RAD21L1: variants seen among roughly 807,000 people sequenced by gnomAD.
The protein encoded by RAD21L1 is double-strand-break repair protein rad21-like protein 1.
Under a neutral mutation model 69.0 loss-of-function variants are expected in RAD21L1, and 47 were observed. The observed-to-expected ratio is 0.68, with a 90% CI of 0.54 to 0.87. The LOEUF (loss-of-function observed/expected upper bound fraction) is 0.87. Among genes scored for constraint, RAD21L1 ranks in the 40% least tolerant of loss-of-function variants. The pLI is 0.00. For missense variants in RAD21L1, 583 were observed against 647.6 expected (o/e 0.90, Z 1.08); for synonymous variants, 177 against 205.8 (o/e 0.86, Z 1.20).
chr20:1,230,300 G>A (rs1489341874), intron 3 of RAD21L1, among the ~76,000 whole-genome samples: 1 of 152,048 alleles, frequency 6.6e-6, no homozygotes, highest in Non-Finnish European at 1.5e-5. Context: ...TTTTTAATGG[G>A]TCATTTAGTT....
chr20:1,230,035 C>G, intron 3 of RAD21L1, 26 bp downstream of exon 3: 4 of 1,513,150 alleles, frequency 2.6e-6, no homozygotes, highest in Non-Finnish European at 3.6e-6. Context: ...TGATTTGTCT[C>G]CTTCTTGGTT....
At chr20:1,233,684 G>A (rs1470542551) in intron 4 of RAD21L1, among the ~76,000 whole-genome samples, 1 of 152,012 alleles carries the variant, frequency 6.6e-6, no homozygotes, top group Non-Finnish European at 1.5e-5. Context: ...CAGCTTCCTG[G>A]GGCCTCTTTT....
chr20:1,236,539 G>A (rs1313656912), intron 5 of RAD21L1, among the ~76,000 whole-genome samples: 3 of 152,138 alleles, frequency 2.0e-5, no homozygotes, highest in Non-Finnish European at 4.4e-5. Flanking sequence ...TAAAAGGTGG[G>A]AAGAACATGT....
At chr20:1,252,433 T>A (rs970978273) in intron 13 of RAD21L1, among the ~76,000 whole-genome samples, 1 of 152,130 alleles carries the variant, frequency 6.6e-6, no homozygotes, top group African/African-American at 2.4e-5. Flanking sequence ...AATCTTTAAG[T>A]CTACTGCCTA....
chr20:1,243,242 AC>A, intron 10 of RAD21L1, 46 bp downstream of exon 10: 1 of 948,240 alleles, frequency 1.1e-6, no homozygotes, highest in African/African-American at 1.7e-5. Context: ...TGCTGTGGAA[AC>A]AAAAATTTGA....
At chr20:1,244,006 A>G in intron 10 of RAD21L1, 40 bp from the exon 11 acceptor site, 1 of 1,527,764 alleles carries the variant, frequency 6.5e-7, no homozygotes, top group Non-Finnish European at 8.9e-7. Flanking sequence ...AGTTTGAAAG[A>G]TATTTTGGTG....
At chr20:1,240,460 T>TTTG in intron 8 of RAD21L1, 26 bp downstream of exon 8, 1 of 1,530,968 alleles carries the variant, frequency 6.5e-7, no homozygotes, top group Non-Finnish European at 8.8e-7. Flanking sequence ...GGTTTTGTTT[T>TTTG]AATTTTTAAT....
chr20:1,234,048 G>T, intron 4 of RAD21L1, 37 bp from the exon 5 acceptor site: 1 of 945,348 alleles, frequency 1.1e-6, no homozygotes, highest in Non-Finnish European at 1.6e-6. Flanking sequence ...ATTGTTTTCT[G>T]TTCTCATGTT....
chr20:1,242,843 A>G lies in RAD21L1; in HGVS notation c.1081A>G (p.Met361Val). The G allele has an allele frequency of 6.5e-7, 1 of 1,546,760 alleles. No individual in the cohort carries two copies. Among genetic ancestry groups the G allele is most frequent in the Non-Finnish European group, 8.8e-7 (1 of 1,142,468 alleles). The stretch of plus-strand genomic sequence containing the variant: ...GGATTTGATTCATGCTGAACTGAAA[A>G]TGGTAACGGTTCCTACCCTTCTACA... ...AQDLIHAELKMLFTKCFLSSG... is the reference protein window; with the variant it reads ...AQDLIHAELKVLFTKCFLSSG... The change falls in exon 9 of 14, where the codon ATG becomes GTG. Residue 361 changes from methionine (M) to valine (V), a missense_variant and splice_region_variant. Physicochemically the swap from Met to Val is conservative, Grantham distance 21 (BLOSUM62 1). Transcript: ENST00000683101.
Position 1,234,100 on chromosome 20 carries a change from A to G in RAD21L1, c.384A>G (p.Ser128=). The change falls in exon 5 of 14, where the codon TCA becomes TCG. Residue 128 remains serine (S), a synonymous_variant. Transcript: ENST00000683101. The stretch of plus-strand genomic sequence containing the variant: ...TTCTCCATAGTGCTATTGATGTTTC[A>G]GAACACTTTACTCAGAACCAAAGCA... ...DTQNMNAIDV[S]EHFTQNQSRP... is the part of the protein sequence containing the mutation. 6.6e-7 allele frequency: 1 copy of G among 1,525,840 alleles called. No individual in the cohort carries two copies. The highest frequency in any genetic ancestry group is 8.9e-7 in the Non-Finnish European group (1 of 1,125,078). 94.5% of individuals were successfully genotyped at this position (1,525,840 alleles called of 1,614,324 possible).
In RAD21L1 at chr20:1,228,399, ATTTCT is replaced by A. The variant is rs1568513632; in HGVS notation, c.-32-18_-32-14del. 25 of 1,305,072 alleles carry A rather than the reference ATTTCT, an allele frequency of 1.9e-5. No homozygotes were observed. The highest frequency in any genetic ancestry group is 3.0e-5 in the East Asian group (1 of 33,754). 80.8% of individuals were successfully genotyped at this position (1,305,072 alleles called of 1,614,324 possible). ...AAAAGTTTTTGTAATAAAATTTTAA[ATTTCT>A]TTTCGTGTTCTCTCTAGTTTGTTAA... On this transcript the variant is annotated intron_variant, in intron 1 of 13. Transcript: ENST00000683101.
intron 5 of RAD21L1, 62 bp from the exon 6 acceptor site, chr20:1,237,982 T>C (rs2087534095): frequency 1.1e-6 from 1 of 887,548 alleles, no homozygotes; most frequent in Admixed American, 2.9e-5. Context: ...TATCTGAATT[T>C]CCTTCTAACC....
intron 3 of RAD21L1, chr20:1,230,666 C>A: frequency 2.8e-6 from 1 of 362,666 alleles, no homozygotes; most frequent in Non-Finnish European, 3.8e-6. Flanking sequence ...CAGTGCCTTG[C>A]ACATACCATT....
At chr20:1,249,380 T>A (rs2087780789) in intron 13 of RAD21L1, among the ~76,000 whole-genome samples, 1 of 152,218 alleles carries the variant, frequency 6.6e-6, no homozygotes, top group Non-Finnish European at 1.5e-5. Flanking sequence ...ATAGTTATGA[T>A]GCAGGTTTGA....
At chr20:1,248,894 AT>A (rs1185147038) in intron 13 of RAD21L1, among the ~76,000 whole-genome samples, 191 bp downstream of exon 13, 7 of 152,084 alleles carry the variant, frequency 4.6e-5, no homozygotes, top group Admixed American at 4.6e-4. Flanking sequence ...GTGCCTGCAT[AT>A]TCTAATCAAC....
chr20:1,253,253 A>T (rs1055708126), intron 13 of RAD21L1, among the ~76,000 whole-genome samples: 1 of 152,216 alleles, frequency 6.6e-6, no homozygotes, highest in African/African-American at 2.4e-5. Flanking sequence ...TCCAGCGTGT[A>T]TGATTCTCAT....
At position 1,229,439 on chromosome 20, in the gene RAD21L1, C is replaced by T. The variant is rs548014681; in HGVS notation, c.145-441C>T. 9.5e-4 allele frequency among the ~76,000 whole-genome samples: 145 copies of T among 152,162 alleles called. No homozygotes were observed. In the Middle Eastern group the frequency reaches 0.014, roughly 14 times the overall value. On this transcript the variant is annotated intron_variant, in intron 2 of 13. Transcript: ENST00000683101. ...CTGAGGCAGGAGAATTGCTTGAACC[C>T]GGGAGGCGGAGGTTGCAGTGAGCCA...
At chr20:1,231,770 TACA>T (rs1199127725) in intron 4 of RAD21L1, among the ~76,000 whole-genome samples, 151 bp downstream of exon 4, 1 of 152,220 alleles carries the variant, frequency 6.6e-6, no homozygotes, top group Middle Eastern at 3.2e-3. Flanking sequence ...ACTCCCAAAG[TACA>T]ACAACAAAAG....
intron 3 of RAD21L1, chr20:1,230,919 A>G (rs1298438166): frequency 6.0e-6 from 1 of 166,750 alleles, no homozygotes; most frequent in East Asian, 1.9e-4. Context: ...TCAGGTGAGG[A>G]AATCAGATAA....
Sources: allele counts gnomAD v4.1 joint callset (sites outside exome capture counted in the v4.1 genomes callset), GRCh38; gene constraint gnomAD v4.1.1; transcripts MANE v1.5; gene names NCBI Gene and HGNC (gene_info 2026-07-23, HGNC 2026-07-21).